Variants in GRIK4 observed in about 807,000 individuals in gnomAD.
GRIK4 encodes the protein glutamate receptor ionotropic, kainate 4.
GRIK4 carries 40 observed loss-of-function variants against 104.9 expected under a neutral mutation model. That is an observed-to-expected ratio of 0.38 (90% CI 0.30 to 0.50). The LOEUF (loss-of-function observed/expected upper bound fraction) is 0.50, where lower values mean the gene tolerates loss of function less well. Ranked by LOEUF, GRIK4 falls within the 20% of genes least tolerant of loss-of-function variation. The probability of loss-of-function intolerance (pLI) is 0.93; values close to 1 mark genes in which losing one functional copy is unlikely to be tolerated. For missense variants in GRIK4, 1,047 were observed against 1,308.1 expected, an observed-to-expected ratio of 0.80 and a Z score of 3.08; for synonymous variants, 485 against 524.9, an observed-to-expected ratio of 0.92 and a Z score of 1.04.
intron 3 of GRIK4, among the ~76,000 whole-genome samples, chr11:120,722,776 A>G (rs192995894): frequency 6.6e-5 from 10 of 152,356 alleles, no homozygotes; most frequent in Non-Finnish European, 1.5e-4. Flanking sequence ...ATTTGCATGT[A>G]TACCAAGTGT....
At chr11:120,629,351 G>A (rs1228302123) in intron 1 of GRIK4, among the ~76,000 whole-genome samples, 2 of 152,136 alleles carry the variant, frequency 1.3e-5, no homozygotes, top group Non-Finnish European at 2.9e-5. Flanking sequence ...TCCTAAGGTT[G>A]TTTGAGGGTT....
chr11:120,961,024 G>A lies in GRIK4; in HGVS notation c.1990G>A (p.Ala664Thr), dbSNP rs139636929. 5.7e-5 allele frequency: 92 copies of A among 1,614,018 alleles called. No individual in the cohort carries two copies. The African/African-American group carries it at 1.0e-3, about 18-fold the overall frequency. ...AGTGGATGACCTGGCTGACCAGACC[G>A]CCATTGAATATGGCACAATTCACGG... is the stretch of plus-strand genomic sequence containing the variant. ...ESVDDLADQT[A>T]IEYGTIHGGS... The change falls in exon 17 of 21, where the codon GCC becomes ACC. Residue 664 changes from alanine to threonine, a missense_variant. By Grantham distance (58) the Ala-to-Thr change is moderately conservative. Transcript: ENST00000527524.
intron 1 of GRIK4, among the ~76,000 whole-genome samples, chr11:120,514,319 C>G (rs1347371075): frequency 6.6e-6 from 1 of 152,152 alleles, no homozygotes; most frequent in Non-Finnish European, 1.5e-5. Context: ...TACTACAGCC[C>G]TGCAAGCATC....
intron 1 of GRIK4, among the ~76,000 whole-genome samples, chr11:120,574,473 C>T (rs1213125090): frequency 2.0e-5 from 3 of 152,190 alleles, no homozygotes; most frequent in Non-Finnish European, 4.4e-5. Context: ...CATGAGGACA[C>T]GGAAGCACCT....
intron 3 of GRIK4, among the ~76,000 whole-genome samples, chr11:120,727,177 C>A (rs1453876433): frequency 6.6e-6 from 1 of 152,138 alleles, no homozygotes; most frequent in Admixed American, 6.5e-5. Context: ...AACAAGTCCA[C>A]CAGATGGAAC....
intron 3 of GRIK4, among the ~76,000 whole-genome samples, chr11:120,693,332 T>C (rs1398533356): frequency 6.6e-6 from 1 of 151,550 alleles, no homozygotes; most frequent in Non-Finnish European, 1.5e-5. Context: ...CTTGAACTCC[T>C]GACCTCAAGT....
rs920223528 is a variant in GRIK4, at chr11:120,524,216, C to T, written c.-159+12329C>T. Among the ~76,000 whole-genome samples the T allele has an allele frequency of 1.3e-5, 2 of 152,204 alleles. No homozygotes were observed. Among genetic ancestry groups the T allele is most frequent in the Non-Finnish European group, 2.9e-5 (2 of 68,036 alleles). ...CTGGGATTAGCGGCGTGAGCCACCG[C>T]GTCTGGCCGTTTCTGCATTCTTTCC... On this transcript the variant is annotated intron_variant, in intron 1 of 20. Transcript: ENST00000527524. This position sits in a 1 kb window ranked among gnomAD's most constrained non-coding sequence, Gnocchi z 4.5.
intron 4 of GRIK4, among the ~76,000 whole-genome samples, chr11:120,806,171 C>A (rs1176751803): frequency 6.6e-6 from 1 of 152,152 alleles, no homozygotes; most frequent in East Asian, 1.9e-4. Context: ...TTCTCTCACC[C>A]CACATTTGAA....
intron 3 of GRIK4, among the ~76,000 whole-genome samples, chr11:120,680,773 G>A (rs751393616): frequency 2.0e-5 from 3 of 152,190 alleles, no homozygotes; most frequent in Non-Finnish European, 4.4e-5. Flanking sequence ...GGATAGAGGC[G>A]AAGGGAGCTG....
At chr11:120,961,181 T>G in intron 17 of GRIK4, 107 bp downstream of exon 17, 3 of 1,062,222 alleles carry the variant, frequency 2.8e-6, no homozygotes, top group Non-Finnish European at 4.3e-6. Flanking sequence ...TTATCTCTTT[T>G]GAACATATAG....
At chr11:120,834,765 C>T (rs923430808) in intron 7 of GRIK4, among the ~76,000 whole-genome samples, 7 of 152,202 alleles carry the variant, frequency 4.6e-5, no homozygotes, top group East Asian at 1.9e-4. Context: ...GTTCCAGCAA[C>T]GAACTCCATG....
Position 120,680,481 on chromosome 11 carries a change from C to T in GRIK4, c.82+20081C>T, listed in dbSNP as rs923512021. Among the ~76,000 whole-genome samples, 26 of 152,322 alleles carry T rather than the reference C, an allele frequency of 1.7e-4. No homozygotes were observed. In the South Asian group the frequency reaches 4.6e-3, roughly 27 times the overall value. On this transcript the variant is annotated intron_variant, in intron 3 of 20. Coordinates refer to ENST00000527524, the MANE Select transcript of GRIK4 (RefSeq NM_014619.5). ...TGCACCTCAGCCTCACCCCACATGGCGTGGTGACATGAGTTTCAGCATCAG... is the reference window on the plus strand; with the variant it reads ...TGCACCTCAGCCTCACCCCACATGGTGTGGTGACATGAGTTTCAGCATCAG...
At chr11:120,565,103 G>A (rs1261790917) in intron 1 of GRIK4, among the ~76,000 whole-genome samples, 1 of 152,226 alleles carries the variant, frequency 6.6e-6, no homozygotes, top group East Asian at 1.9e-4. Flanking sequence ...GTGATGCGGG[G>A]CAGCGTGGGA....
intron 14 of GRIK4, among the ~76,000 whole-genome samples, chr11:120,942,301 T>A (rs1943744397): frequency 6.6e-6 from 1 of 152,202 alleles, no homozygotes; most frequent in Non-Finnish European, 1.5e-5. Flanking sequence ...TCGTTACATC[T>A]GTTGGTACTC....
chr11:120,963,033 T>G, intron 18 of GRIK4: 10 of 171,850 alleles, frequency 5.8e-5, no homozygotes, highest in Non-Finnish European at 9.8e-5. Flanking sequence ...TCCTTGGCCA[T>G]TTCTCTGTTG....
chr11:120,705,232 CT>C (rs902505786), intron 3 of GRIK4, among the ~76,000 whole-genome samples: 124 of 139,110 alleles, frequency 8.9e-4, no homozygotes, highest in Admixed American at 1.6e-3. Flanking sequence ...TCTTTCTTTT[CT>C]TTTTTTTTTT....
At chr11:120,972,258 G>T (rs1024825413) in intron 19 of GRIK4, among the ~76,000 whole-genome samples, 3 of 152,204 alleles carry the variant, frequency 2.0e-5, no homozygotes, top group Admixed American at 6.5e-5. Flanking sequence ...GTTCTGGGGT[G>T]AGATGTGGCA....
chr11:120,786,619 C>T (rs939137186), intron 3 of GRIK4, among the ~76,000 whole-genome samples: 3 of 152,042 alleles, frequency 2.0e-5, no homozygotes, highest in Non-Finnish European at 4.4e-5. Flanking sequence ...TTCAGAAACA[C>T]ACCAACATCT....
intron 13 of GRIK4, among the ~76,000 whole-genome samples, chr11:120,907,956 A>G (rs751778885): frequency 1.3e-4 from 20 of 152,150 alleles, no homozygotes; most frequent in Non-Finnish European, 1.8e-4. Flanking sequence ...GATGTTTTCC[A>G]GGATGTTCCC....
Sources: allele counts gnomAD v4.1 joint callset (sites outside exome capture counted in the v4.1 genomes callset), GRCh38; gene constraint gnomAD v4.1.1; non-coding constraint Gnocchi (gnomAD v3.1); transcripts MANE v1.5; gene names NCBI Gene and HGNC (gene_info 2026-07-23, HGNC 2026-07-21).